The following NFX1 variants were observed in gnomAD, a reference collection of about 807,000 sequenced individuals.
The protein encoded by NFX1 is nuclear transcription factor, X-box binding 1.
A neutral mutation model predicts 137.2 loss-of-function variants in NFX1; 69 were observed. That is an observed-to-expected ratio of 0.50 (90% CI 0.41 to 0.61). The LOEUF is 0.61. Among genes scored for constraint, NFX1 ranks in the 20% least tolerant of loss-of-function variants. The pLI is 0.00. For missense variants in NFX1, 1,167 were observed against 1,391.0 expected, an observed-to-expected ratio of 0.84 and a Z score of 2.56; for synonymous variants, 495 against 474.1, an observed-to-expected ratio of 1.04 and a Z score of -0.57.
intron 19 of NFX1, among the ~76,000 whole-genome samples, chr9:33,363,049 G>A (rs1158860533): frequency 6.6e-6 from 1 of 151,818 alleles, no homozygotes; most frequent in African/African-American, 2.4e-5. Context: ...ATGGTTAACG[G>A]TAAGGTGTAG....
At chr9:33,348,729 G>A in intron 15 of NFX1, 2 of 981,472 alleles carry the variant, frequency 2.0e-6, no homozygotes, top group Non-Finnish European at 2.4e-6. Context: ...AATAAGAAAT[G>A]CATATTTATT....
intron 2 of NFX1, 25 bp downstream of exon 2, chr9:33,295,452 T>C: frequency 2.6e-6 from 4 of 1,566,796 alleles, no homozygotes; most frequent in South Asian, 1.2e-5. Flanking sequence ...ATAGGAAATA[T>C]TTTGTTGTCT....
chr9:33,322,637 G>GCT (rs1278779403), intron 9 of NFX1, among the ~76,000 whole-genome samples: 1 of 152,140 alleles, frequency 6.6e-6, no homozygotes, highest in East Asian at 1.9e-4. Context: ...CACTCGTAGG[G>GCT]CAGAGGTTCC....
At chr9:33,359,231 C>T (rs1249448037) in intron 19 of NFX1, among the ~76,000 whole-genome samples, 2 of 151,010 alleles carry the variant, frequency 1.3e-5, no homozygotes, top group Admixed American at 1.3e-4. Context: ...CAATTCTTAA[C>T]TTTTATTTCT....
At chr9:33,313,552 C>T (rs1822042997) in intron 6 of NFX1, 102 bp from the exon 7 acceptor site, 9 of 1,102,318 alleles carry the variant, frequency 8.2e-6, no homozygotes, top group Middle Eastern at 2.3e-4. Flanking sequence ...TAGAGAAAGG[C>T]TTAGTGGGTT....
At chr9:33,304,319 A>AT (rs1821679299) in intron 4 of NFX1, among the ~76,000 whole-genome samples, 4 of 152,208 alleles carry the variant, frequency 2.6e-5, no homozygotes, top group Admixed American at 2.6e-4. Flanking sequence ...CTTTCCAGCC[A>AT]TATCTAGGGC....
chr9:33,355,575 A>G lies in NFX1; in HGVS notation c.2873+683A>G, dbSNP rs78299931. 9.4e-4 allele frequency among the ~76,000 whole-genome samples: 140 copies of G among 149,574 alleles called. 4 individuals carry two copies. The East Asian group carries it at 0.017, about 19-fold the overall frequency. The stretch of plus-strand genomic sequence containing the variant: ...TTTTTGTATTACTATTCATTTACCC[A>G]TTATACTGTTAATGGATATCTTTGT... On this transcript the variant is annotated intron_variant, in intron 19 of 23. Coordinates refer to ENST00000379540, the MANE Select transcript of NFX1 (RefSeq NM_002504.6).
In NFX1 at chr9:33,366,679, C is replaced by A. The variant is rs776938091; in HGVS notation, c.3090C>A (p.His1030Gln). The change falls in exon 22 of 24, where the codon CAC becomes CAA. Residue 1030 changes from histidine (H) to glutamine (Q), a missense_variant. By Grantham distance (24) the His-to-Gln change is conservative. This residue lies in a region of NFX1 where 312 missense variants were observed against 312.8 expected (regional missense o/e 1.00). Transcript: ENST00000379540. ...SHSFPPMNRD[H>Q]RRIIHDLAQV... ...GCTTCCCTCCCATGAACAGAGACCACCGCCGGATCATCCATGACTTGGCCC... is the reference window on the plus strand; with the variant it reads ...GCTTCCCTCCCATGAACAGAGACCAACGCCGGATCATCCATGACTTGGCCC... 4.3e-6 allele frequency: 7 copies of A among 1,614,212 alleles called. No individual in the cohort carries two copies. In the Admixed American group the frequency reaches 1.0e-4, roughly 23 times the overall value.
intron 9 of NFX1, among the ~76,000 whole-genome samples, chr9:33,328,303 G>A (rs568617198): frequency 6.6e-6 from 1 of 152,004 alleles, no homozygotes. Context: ...GGAATTATAG[G>A]CATGAGCCAC....
Position 33,328,589 on chromosome 9 carries a change from C to G in NFX1, c.1915C>G (p.His639Asp). 1 of 1,608,242 alleles carries G rather than the reference C, an allele frequency of 6.2e-7. No individual in the cohort carries two copies. Among genetic ancestry groups the G allele is most frequent in the Non-Finnish European group, 8.5e-7 (1 of 1,175,308 alleles). The change falls in exon 10 of 24, where the codon CAT becomes GAT. Residue 639 changes from histidine to aspartate, a missense_variant. Transcript: ENST00000379540. ...TTTCGTTTTTATTAAAGATTTCATT[C>G]ATACCTGTGAAAAGCTCTGCCATGA... Reference protein sequence around the residue: ...PLPCGSLDFIHTCEKLCHEGD... With the variant: ...PLPCGSLDFIDTCEKLCHEGD...
chr9:33,303,958 T>C (rs1208251855), intron 4 of NFX1, among the ~76,000 whole-genome samples: 8 of 152,228 alleles, frequency 5.3e-5, no homozygotes. Flanking sequence ...GTTGCCTCAC[T>C]GAAACCGTAT....
chr9:33,309,125 A>G (rs1440789933), intron 5 of NFX1, among the ~76,000 whole-genome samples: 1 of 152,200 alleles, frequency 6.6e-6, no homozygotes, highest in Non-Finnish European at 1.5e-5. Flanking sequence ...TGGGAGGCCA[A>G]GGCGGGTGGA....
At chr9:33,315,379 A>G (rs767053439) in intron 7 of NFX1, among the ~76,000 whole-genome samples, 2 of 152,218 alleles carry the variant, frequency 1.3e-5, no homozygotes, top group Non-Finnish European at 2.9e-5. Context: ...TTTAGTCATG[A>G]TACAACTCTA....
At chr9:33,324,244 C>T (rs667602) in intron 9 of NFX1, among the ~76,000 whole-genome samples, 99,134 of 151,932 alleles carry the variant, frequency 0.65, 32,894 homozygotes, top group Non-Finnish European at 0.72. Context: ...CTGGGTGTGG[C>T]GGCACACGCC....
intron 7 of NFX1, among the ~76,000 whole-genome samples, chr9:33,316,889 G>A (rs979960704): frequency 4.6e-5 from 7 of 152,006 alleles, no homozygotes; most frequent in African/African-American, 1.7e-4. Flanking sequence ...ATTGTTACCT[G>A]TTCTGACCCT....
At chr9:33,328,299 A>G (rs1474270390) in intron 9 of NFX1, among the ~76,000 whole-genome samples, 2 of 151,930 alleles carry the variant, frequency 1.3e-5, no homozygotes, top group Non-Finnish European at 2.9e-5. Context: ...TGCTGGAATT[A>G]TAGGCATGAG....
chr9:33,364,765 C>A lies in NFX1; in HGVS notation c.3030C>A (p.Ala1010=), dbSNP rs540648907. The change falls in exon 21 of 24, where the codon GCC becomes GCA. Residue 1010 remains alanine, a synonymous_variant. Coordinates refer to ENST00000379540, the MANE Select transcript of NFX1 (RefSeq NM_002504.6). The stretch of plus-strand genomic sequence containing the variant: ...AGGAAATGGAAACCCTCGTGGAGGC[C>A]GTGAATAAGGTTGAAGTCGAAACAT... ...VEKEMETLVE[A]VNKGKNSKKS... 3 of 1,613,374 alleles carry A rather than the reference C, an allele frequency of 1.9e-6. No individual in the cohort carries two copies. The African/African-American group carries it at 4.0e-5, about 22-fold the overall frequency.
chr9:33,369,387 C>G (rs1193576438), intron 23 of NFX1, among the ~76,000 whole-genome samples: 3 of 152,078 alleles, frequency 2.0e-5, no homozygotes, highest in Non-Finnish European at 2.9e-5. Context: ...TTTTAAAAAC[C>G]CTTGGCTTGC....
intron 14 of NFX1, among the ~76,000 whole-genome samples, chr9:33,344,980 G>A (rs1305794683): frequency 6.6e-6 from 1 of 152,040 alleles, no homozygotes; most frequent in African/African-American, 2.4e-5. Flanking sequence ...TGGCCAACAT[G>A]GTGAAACCAT....
Sources: allele counts gnomAD v4.1 joint callset (sites outside exome capture counted in the v4.1 genomes callset), GRCh38; gene constraint gnomAD v4.1.1; regional missense constraint gnomAD v4.1.1; transcripts MANE v1.5; gene names NCBI Gene and HGNC (gene_info 2026-07-23, HGNC 2026-07-21).